Variants in TAPBPL observed in about 807,000 individuals in gnomAD.
TAPBPL encodes TAP binding protein like, also known as tapasin-related protein.
TAPBPL carries 32 observed loss-of-function variants against 44.8 expected under a neutral mutation model. The ratio of observed to expected loss-of-function variants is 0.71; its 90% CI spans 0.54 to 0.96. The LOEUF (loss-of-function observed/expected upper bound fraction) is 0.96. TAPBPL is among the 40% of genes least tolerant of loss of function. TAPBPL has a pLI of 0.00. For synonymous variants in TAPBPL, 230 were observed against 240.7 expected, an observed-to-expected ratio of 0.96 and a Z score of 0.41; for missense variants, 520 against 586.6, an observed-to-expected ratio of 0.89 and a Z score of 1.17.
rs997815222 is a variant in TAPBPL, at chr12:6,452,322, G to A, written c.64+10G>A. On this transcript the variant is annotated intron_variant, in intron 1 of 6. Transcript: ENST00000266556. ...GGAGCAGCAGAAACCAGTGAGTCTG[G>A]GAGTCGGGGAGAGCTGGCTGGGAGA... 2 of 1,569,966 alleles carry A rather than the reference G, an allele frequency of 1.3e-6. No homozygotes were observed. Among genetic ancestry groups the A allele is most frequent in the African/African-American group, 1.3e-5 (1 of 74,718 alleles).
downstream of TAPBPL, chr12:6,463,729 A>C (rs1479704448): frequency 8.7e-7 from 1 of 1,154,870 alleles, no homozygotes; most frequent in African/African-American, 1.6e-5. The surrounding 1 kb of genome is among the most constrained non-coding windows in gnomAD (Gnocchi z 4.0). Context: ...TAGAAAATGT[A>C]AAGAAGAGAA....
At chr12:6,469,081 G>C (rs1329166648), downstream of TAPBPL, among the ~76,000 whole-genome samples, 1 of 152,196 alleles carries the variant, frequency 6.6e-6, no homozygotes, top group East Asian at 1.9e-4. Flanking sequence ...TCCTCAGAGA[G>C]GCTATGGTAG....
chr12:6,453,055 CTT>C lies in TAPBPL; in HGVS notation c.65-10_65-9del. On this transcript the variant is annotated splice_polypyrimidine_tract_variant and intron_variant, in intron 1 of 6. Transcript: ENST00000266556. The surrounding 1 kb of genome is among the most constrained non-coding windows in gnomAD (Gnocchi z 4.8). Reference sequence around the variant, plus strand: ...TGGGGAAGGCGGTGCTCACCCCAGCCTTTGTCTGCAGAGCCCCACCCAGCAGA... The same window carrying C: ...TGGGGAAGGCGGTGCTCACCCCAGCCTGTCTGCAGAGCCCCACCCAGCAGA... 5.8e-6 allele frequency: 9 copies of C among 1,563,170 alleles called. No individual in the cohort carries two copies. Among genetic ancestry groups the C allele is most frequent in the Non-Finnish European group, 6.9e-6 (8 of 1,153,922 alleles).
downstream of TAPBPL, chr12:6,464,775 C>T (rs1180933019): frequency 3.2e-6 from 5 of 1,554,354 alleles, no homozygotes; most frequent in African/African-American, 2.7e-5. Flanking sequence ...CCCATAGCAG[C>T]GGTCTCCATA....
At chr12:6,465,440 A>ATG (rs1565526353), downstream of TAPBPL, 14 of 136,696 alleles carry the variant, frequency 1.0e-4, no homozygotes, top group African/African-American at 3.3e-4. Flanking sequence ...ATGTATATAT[A>ATG]TGTATATATA....
chr12:6,452,667 G>T, intron 1 of TAPBPL: 1 of 1,221,872 alleles, frequency 8.2e-7, no homozygotes, highest in Non-Finnish European at 1.0e-6. Flanking sequence ...GGAGGGGAAG[G>T]CTACCCGAAA....
chr12:6,458,850 C>T lies in TAPBPL; in HGVS notation c.1110C>T (p.Thr370=), dbSNP rs143334486. 51 of 1,614,056 alleles carry T rather than the reference C, an allele frequency of 3.2e-5. No individual in the cohort carries two copies. The highest frequency in any genetic ancestry group is 9.3e-5 in the African/African-American group (7 of 74,930). The change falls in exon 5 of 7, where the codon ACC becomes ACT. Residue 370 remains threonine (T), a synonymous_variant. Transcript: ENST00000266556. ...CCTACAGCATCTCCTCCTCTCTCAC[C>T]GCAGAACCTGGCTCTGCAGGTGCCA... ...AGTYSISSSL[T]AEPGSAGATY...
rs1229562760 is a variant in TAPBPL, at chr12:6,457,455, G to A, written c.615G>A (p.Gly205=). The A allele has an allele frequency of 6.2e-7, 1 of 1,614,038 alleles. No individual in the cohort carries two copies. ...CCCAATCCCTGAGCTTCCTGCTGGG[G>A]TCCTCAGCCTCCTTGGACTGTGGCT... ...TQTQSLSFLL[G]SSASLDCGFS... Residue 205 remains glycine (G), a synonymous_variant, in exon 4 of 7, where the codon GGG becomes GGA. Coordinates refer to ENST00000266556, the MANE Select transcript of TAPBPL (RefSeq NM_018009.5).
downstream of TAPBPL, chr12:6,466,509 C>T: frequency 1.5e-6 from 1 of 658,992 alleles, no homozygotes; most frequent in Non-Finnish European, 2.4e-6. Flanking sequence ...ATAGCGAGAC[C>T]CCATCTCTAA....
chr12:6,466,003 G>A (rs755103774), downstream of TAPBPL: 3 of 1,614,178 alleles, frequency 1.9e-6, no homozygotes, highest in African/African-American at 1.3e-5. Flanking sequence ...TCCACCACCT[G>A]AGGAGGGCAC....
In TAPBPL at chr12:6,457,519, T is replaced by G; in HGVS notation, c.679T>G (p.Trp227Gly). 4.3e-6 allele frequency: 7 copies of G among 1,614,078 alleles called. No homozygotes were observed. The highest frequency in any genetic ancestry group is 5.9e-6 in the Non-Finnish European group (7 of 1,179,996). Residue 227 changes from tryptophan to glycine, a missense_variant, in exon 4 of 7, where the codon TGG becomes GGG. Transcript: ENST00000266556. ...APGLDLISVE[W>G]RLQHKGRGQL... ...GGGCTTGGACCTCATCAGTGTGGAG[T>G]GGCGACTGCAGCACAAGGGCAGGGG...
In TAPBPL at chr12:6,458,734, G is replaced by C. The variant is rs777112754; in HGVS notation, c.994G>C (p.Val332Leu). The C allele has an allele frequency of 6.2e-7, 1 of 1,614,156 alleles. No individual in the cohort carries two copies. Among genetic ancestry groups the C allele is most frequent in the Admixed American group, 1.7e-5 (1 of 60,024 alleles). The change falls in exon 5 of 7, where the codon GTG becomes CTG. Residue 332 changes from valine (V) to leucine (L), a missense_variant. Physicochemically the swap from Val to Leu is conservative, Grantham distance 32. Coordinates refer to ENST00000266556, the MANE Select transcript of TAPBPL (RefSeq NM_018009.5). Reference protein sequence around the residue: ...DIAGYYPLDVVVTWTREELGG... With the variant: ...DIAGYYPLDVLVTWTREELGG... Reference sequence around the variant, plus strand: ...TGCTGGCTATTACCCTCTGGATGTGGTGGTGACGTGGACCCGAGAGGAGCT... The same window carrying C: ...TGCTGGCTATTACCCTCTGGATGTGCTGGTGACGTGGACCCGAGAGGAGCT...
intron 6 of TAPBPL, chr12:6,461,222 A>G: frequency 1.6e-6 from 2 of 1,256,196 alleles, no homozygotes; most frequent in South Asian, 3.2e-5. Context: ...AGAGCTAAAA[A>G]TACATGAAGG....
rs781466968 is a variant in TAPBPL at position 6,453,546 on chromosome 12, CAG to C, written c.399_400del (p.Glu133AspfsTer4). 5 of 1,614,202 alleles carry C rather than the reference CAG, an allele frequency of 3.1e-6. No homozygotes were observed. The highest frequency in any genetic ancestry group is 4.2e-6 in the Non-Finnish European group (5 of 1,180,038). ...ATCTCCCGCTACTTTCTCCAGATGA[CAG>C]AGACCACTGTTAAGACAGCAGCTTG... is the stretch of plus-strand genomic sequence containing the variant. On this transcript the variant is annotated frameshift_variant, in exon 3 of 7. Transcript: ENST00000266556. LOFTEE classifies it high-confidence loss of function. The surrounding 1 kb of genome is among the most constrained non-coding windows in gnomAD (Gnocchi z 4.8).
chr12:6,464,862 C>T (rs753172231), downstream of TAPBPL: 2 of 1,613,878 alleles, frequency 1.2e-6, no homozygotes, highest in East Asian at 2.2e-5. Context: ...CACCTCTTCA[C>T]CCCACCAGCA....
intron 6 of TAPBPL, chr12:6,461,316 G>A (rs1053141824): frequency 1.9e-6 from 2 of 1,054,718 alleles, no homozygotes; most frequent in Non-Finnish European, 2.3e-6. Flanking sequence ...CATGCACCAA[G>A]GCAGAGAACA....
At chr12:6,465,737 G>A (rs1380193138), downstream of TAPBPL, 1 of 1,442,630 alleles carries the variant, frequency 6.9e-7, no homozygotes, top group Non-Finnish European at 9.3e-7. Context: ...GCTGGTCAGA[G>A]AGATCCTGCA....
At chr12:6,470,672 C>T, downstream of TAPBPL, 1 of 1,064,376 alleles carries the variant, frequency 9.4e-7, no homozygotes, top group South Asian at 1.3e-5. Context: ...TGCGCTGGAA[C>T]TTACTGCAGC....
chr12:6,461,582 C>T (rs185217683), intron 6 of TAPBPL, among the ~76,000 whole-genome samples: 96 of 152,308 alleles, frequency 6.3e-4, no homozygotes, highest in African/African-American at 2.3e-3. Flanking sequence ...CAACTGAGCC[C>T]TGTCACCAAG....
Sources: allele counts gnomAD v4.1 joint callset (sites outside exome capture counted in the v4.1 genomes callset), GRCh38; gene constraint gnomAD v4.1.1; non-coding constraint Gnocchi (gnomAD v3.1); transcripts MANE v1.5; gene names NCBI Gene and HGNC (gene_info 2026-07-23, HGNC 2026-07-21).